The following YEATS2 variants were observed in gnomAD, a reference collection of about 807,000 sequenced individuals.
YEATS2 encodes the protein YEATS domain containing 2.
In YEATS2, 77 loss-of-function variants were observed where a neutral mutation model predicts 163.2. That is an observed-to-expected ratio of 0.47 (90% CI 0.39 to 0.57). The LOEUF (loss-of-function observed/expected upper bound fraction) is 0.57, where lower values mean the gene tolerates loss of function less well. YEATS2 is among the 20% of genes least tolerant of loss of function. YEATS2 has a pLI of 0.00. For missense variants in YEATS2, 1,549 were observed against 1,729.8 expected, an observed-to-expected ratio of 0.90 and a Z score of 1.85; for synonymous variants, 631 against 645.1, an observed-to-expected ratio of 0.98 and a Z score of 0.33.
At chr3:183,806,362 G>C (rs1481409724) in intron 27 of YEATS2, 2 of 456,480 alleles carry the variant, frequency 4.4e-6, no homozygotes, top group Non-Finnish European at 8.8e-6. Flanking sequence ...AAGGGCACTA[G>C]TGCCCTAGAT....
intron 8 of YEATS2, 77 bp downstream of exon 8, chr3:183,736,906 G>A (rs1310810938): frequency 7.8e-6 from 10 of 1,281,934 alleles, no homozygotes; most frequent in Admixed American, 4.4e-5. Context: ...ATAGCATGGC[G>A]GTTAAGGACC....
chr3:183,748,526 C>G (rs945373052), intron 9 of YEATS2, among the ~76,000 whole-genome samples: 6 of 152,202 alleles, frequency 3.9e-5, no homozygotes, highest in African/African-American at 1.4e-4. Context: ...CCGCTTTGGC[C>G]TCCCAAAGTG....
intron 19 of YEATS2, among the ~76,000 whole-genome samples, chr3:183,778,134 AAAAAG>A (rs1723197590): frequency 6.6e-6 from 1 of 150,434 alleles, no homozygotes; most frequent in Admixed American, 6.6e-5. Flanking sequence ...AAAAAGAAAA[AAAAAG>A]AAAAAATGAA....
chr3:183,806,900 C>T lies in YEATS2; in HGVS notation c.3819C>T (p.Leu1273=). The change falls in exon 28 of 31, where the codon CTC becomes CTT. Residue 1273 remains leucine, a synonymous_variant. Transcript: ENST00000305135. ...CATCATTCTCCTCTGCTGACAACCT[C>T]TGCCGCAAACTGGAGGACCTGCAAC... ...CPSSFSSADN[L]CRKLEDLQQF... The T allele has an allele frequency of 6.2e-6, 10 of 1,614,010 alleles. No homozygotes were observed. The highest frequency in any genetic ancestry group is 8.5e-6 in the Non-Finnish European group (10 of 1,179,952).
chr3:183,720,140 C>T (rs1716343145), intron 4 of YEATS2, among the ~76,000 whole-genome samples: 1 of 152,080 alleles, frequency 6.6e-6, no homozygotes, highest in Non-Finnish European at 1.5e-5. Flanking sequence ...GCACCTAGTT[C>T]CAGGTTGTCC....
intron 21 of YEATS2, among the ~76,000 whole-genome samples, chr3:183,795,296 T>C (rs1267034181): frequency 6.6e-6 from 1 of 151,930 alleles, no homozygotes; most frequent in Non-Finnish European, 1.5e-5. Context: ...ATTATTTTTA[T>C]TTCATTTTTA....
intron 22 of YEATS2, 73 bp downstream of exon 22, chr3:183,798,124 T>C: frequency 1.3e-6 from 2 of 1,591,004 alleles, no homozygotes; most frequent in Non-Finnish European, 1.7e-6. Flanking sequence ...AGGTGGTGAC[T>C]GCTCTGCCTG....
chr3:183,798,451 T>G (rs1282511291), intron 22 of YEATS2, among the ~76,000 whole-genome samples: 2 of 152,204 alleles, frequency 1.3e-5, no homozygotes, highest in Admixed American at 6.5e-5. Flanking sequence ...CCTCCTGGGT[T>G]CAAGCGATTC....
At chr3:183,729,839 C>A (rs1717531848) in intron 7 of YEATS2, among the ~76,000 whole-genome samples, 2 of 151,962 alleles carry the variant, frequency 1.3e-5, no homozygotes, top group African/African-American at 4.8e-5. Context: ...AGGTGCCCGC[C>A]ACCACACCCG....
chr3:183,724,534 G>A lies in YEATS2; in HGVS notation c.650+3G>A, dbSNP rs1349919627. The A allele has an allele frequency of 1.3e-6, 2 of 1,587,830 alleles. No homozygotes were observed. Among genetic ancestry groups the A allele is most frequent in the Admixed American group, 1.7e-5 (1 of 58,552 alleles). On this transcript the variant is annotated splice_donor_region_variant and intron_variant, in intron 6 of 30. Transcript: ENST00000305135. Reference sequence around the variant, plus strand: ...ATAGTAGTGGGCAATGTGTCCAAGTGAGTATCCAGTTGAATTTATTTTTAT... The same window carrying A: ...ATAGTAGTGGGCAATGTGTCCAAGTAAGTATCCAGTTGAATTTATTTTTAT...
intron 21 of YEATS2, chr3:183,793,616 T>C (rs866550770): frequency 1.3e-3 from 333 of 247,324 alleles, no homozygotes; most frequent in African/African-American, 7.6e-3. Flanking sequence ...TTTCTTTTTT[T>C]TTTTTTTTTT....
At chr3:183,751,511 C>T (rs1720163275) in intron 9 of YEATS2, among the ~76,000 whole-genome samples, 2 of 152,138 alleles carry the variant, frequency 1.3e-5, no homozygotes, top group Non-Finnish European at 2.9e-5. Context: ...ACTTATTGAG[C>T]GCTGGTCCAG....
chr3:183,759,282 T>G (rs1188720540), intron 13 of YEATS2, among the ~76,000 whole-genome samples: 1 of 152,210 alleles, frequency 6.6e-6, no homozygotes, highest in Non-Finnish European at 1.5e-5. Flanking sequence ...TTTACTAACT[T>G]ACTTGGATCT....
At chr3:183,702,130 A>G (rs1307499073) in intron 1 of YEATS2, among the ~76,000 whole-genome samples, 1 of 152,040 alleles carries the variant, frequency 6.6e-6, no homozygotes, top group Non-Finnish European at 1.5e-5. Context: ...CCTAACTACT[A>G]CAGAACAGAT....
At position 183,772,417 on chromosome 3, in the gene YEATS2, T is replaced by G. The variant is rs762708818; in HGVS notation, c.2060T>G (p.Val687Gly). The G allele has an allele frequency of 1.9e-6, 3 of 1,614,122 alleles. No individual in the cohort carries two copies. Among genetic ancestry groups the G allele is most frequent in the Non-Finnish European group, 1.7e-6 (2 of 1,180,014 alleles). The change falls in exon 16 of 31, where the codon GTT becomes GGT. Residue 687 changes from valine to glycine, a missense_variant. Transcript: ENST00000305135. ...AKASSSVSKA[V>G]GPKQVVTQGV... The stretch of plus-strand genomic sequence containing the variant: ...GCCAGCTCTTCTGTCTCCAAAGCAG[T>G]TGGGCCAAAGCAAGTTGTAACCCAA...
chr3:183,786,049 T>A (rs1724032584), intron 19 of YEATS2, 76 bp from the exon 20 acceptor site: 1 of 1,508,536 alleles, frequency 6.6e-7, no homozygotes. Context: ...GGGGCGTATC[T>A]CAGCTGTCAG....
intron 19 of YEATS2, among the ~76,000 whole-genome samples, chr3:183,778,440 C>T (rs1034931653): frequency 6.6e-6 from 1 of 152,188 alleles, no homozygotes; most frequent in Admixed American, 6.5e-5. Context: ...CGTGGAAGAT[C>T]CAGAATGGGC....
chr3:183,752,281 G>T (rs577500168), intron 10 of YEATS2, 28 bp downstream of exon 10: 1 of 1,613,214 alleles, frequency 6.2e-7, no homozygotes, highest in Admixed American at 1.7e-5. Flanking sequence ...CTTGCATAGC[G>T]TTGTTCTGAG....
chr3:183,736,609 G>A (rs1358932404), intron 7 of YEATS2, 109 bp from the exon 8 acceptor site: 1 of 736,618 alleles, frequency 1.4e-6, no homozygotes. Flanking sequence ...AAATCTAAAT[G>A]ATTCTCAGAA....
Sources: allele counts gnomAD v4.1 joint callset (sites outside exome capture counted in the v4.1 genomes callset), GRCh38; gene constraint gnomAD v4.1.1; transcripts MANE v1.5; gene names NCBI Gene and HGNC (gene_info 2026-07-23, HGNC 2026-07-21).